The following ANTXR2 variants were observed in gnomAD, a reference collection of about 807,000 sequenced individuals.
ANTXR2 encodes the protein ANTXR cell adhesion molecule 2.
A neutral mutation model predicts 73.7 loss-of-function variants in ANTXR2; 44 were observed. That is an observed-to-expected ratio of 0.60 (90% confidence interval 0.47 to 0.77). ANTXR2 has a LOEUF of 0.77. ANTXR2 is among the 30% of genes least tolerant of loss of function. The probability of loss-of-function intolerance (pLI) is 0.00; values close to 1 mark genes in which losing one functional copy is unlikely to be tolerated. For missense variants in ANTXR2, 604 were observed against 592.5 expected (o/e 1.02, Z -0.20); for synonymous variants, 217 against 205.9 (o/e 1.05, Z -0.46).
chr4:79,956,291 C>A (rs1407731636), intron 16 of ANTXR2, among the ~76,000 whole-genome samples: 1 of 151,978 alleles, frequency 6.6e-6, no homozygotes, highest in African/African-American at 2.4e-5. Context: ...GTTGATAACC[C>A]AGGCACCAGA....
chr4:80,046,224 T>C (rs574570487), intron 7 of ANTXR2, among the ~76,000 whole-genome samples: 2 of 151,934 alleles, frequency 1.3e-5, no homozygotes, highest in East Asian at 3.9e-4. Flanking sequence ...TTTAAAACTT[T>C]AGTTTCTTCC....
At chr4:80,055,040 C>A in intron 6 of ANTXR2, 110 bp downstream of exon 6, 2 of 987,746 alleles carry the variant, frequency 2.0e-6, no homozygotes, top group Non-Finnish European at 3.0e-6. Flanking sequence ...TATAAAAAAT[C>A]TTTAACAATC....
At chr4:80,029,400 T>A (rs1436527652) in intron 10 of ANTXR2, among the ~76,000 whole-genome samples, 1 of 152,036 alleles carries the variant, frequency 6.6e-6, no homozygotes, top group Non-Finnish European at 1.5e-5. Flanking sequence ...TTTTCCTCTA[T>A]CCTGGTACAA....
At chr4:79,950,030 A>C (rs1728646866) in intron 16 of ANTXR2, among the ~76,000 whole-genome samples, 1 of 152,054 alleles carries the variant, frequency 6.6e-6, no homozygotes, top group Admixed American at 6.6e-5. Flanking sequence ...GAATAATAAA[A>C]TCTATAAAAC....
chr4:79,931,449 TTCTCTCTCTCTCTCTC>T (rs142694925), intron 16 of ANTXR2, among the ~76,000 whole-genome samples: 4 of 134,088 alleles, frequency 3.0e-5, no homozygotes, highest in Admixed American at 7.1e-5. Flanking sequence ...TCCTCGCTTC[TTCTCTCTCTCTCTCTC>T]TCTCTCTCTC....
At chr4:79,909,652 A>T (rs1381762284) in intron 16 of ANTXR2, among the ~76,000 whole-genome samples, 2 of 151,990 alleles carry the variant, frequency 1.3e-5, no homozygotes, top group East Asian at 1.9e-4. Flanking sequence ...CACCAAAAAA[A>T]AAAAAATAAA....
At chr4:79,955,611 A>G (rs1196074981) in intron 16 of ANTXR2, among the ~76,000 whole-genome samples, 1 of 152,118 alleles carries the variant, frequency 6.6e-6, no homozygotes, top group African/African-American at 2.4e-5. Flanking sequence ...CATAGGAAAA[A>G]TATCATATTC....
intron 7 of ANTXR2, among the ~76,000 whole-genome samples, chr4:80,051,683 A>T (rs934639239): frequency 6.6e-6 from 1 of 151,748 alleles, no homozygotes; most frequent in Non-Finnish European, 1.5e-5. Context: ...TACATTTTAG[A>T]GAAGGCATTA....
intron 12 of ANTXR2, among the ~76,000 whole-genome samples, chr4:80,005,002 CATT>C (rs908774546): frequency 1.3e-5 from 2 of 152,092 alleles, no homozygotes; most frequent in African/African-American, 4.8e-5. Flanking sequence ...ATCACTGACT[CATT>C]GATTAGAGGT....
At chr4:79,963,590 C>T (rs1181978866) in intron 16 of ANTXR2, among the ~76,000 whole-genome samples, 12 of 152,294 alleles carry the variant, frequency 7.9e-5, no homozygotes, top group African/African-American at 2.6e-4. Flanking sequence ...GGCCATTGCT[C>T]CCTGGCTACT....
intron 12 of ANTXR2, among the ~76,000 whole-genome samples, chr4:80,008,164 A>T (rs1372092613): frequency 2.6e-5 from 4 of 152,162 alleles, no homozygotes; most frequent in African/African-American, 9.7e-5. Context: ...ATGAGCACTT[A>T]AAAAAACTGA....
intron 16 of ANTXR2, among the ~76,000 whole-genome samples, chr4:79,946,211 A>C (rs2109976316): frequency 6.6e-6 from 1 of 152,276 alleles, no homozygotes; most frequent in South Asian, 2.1e-4. Flanking sequence ...GGTTAGTAAA[A>C]AGTACAACCA....
intron 9 of ANTXR2, 87 bp downstream of exon 9, chr4:80,033,381 CAGTT>C (rs934315760): frequency 5.2e-5 from 44 of 847,774 alleles, no homozygotes; most frequent in Middle Eastern, 2.2e-4. Flanking sequence ...AAAAATATGT[CAGTT>C]AGTTTTCGTT....
chr4:80,072,720 G>A lies in ANTXR2; in HGVS notation c.-160C>T. ...GCAGCGGGACCCACCAGCTGACAGGGAGGGAGAGAGGGAGGTCCTGAGAGG... is the reference window on the plus strand; with the variant it reads ...GCAGCGGGACCCACCAGCTGACAGGAAGGGAGAGAGGGAGGTCCTGAGAGG... On this transcript the variant is annotated 5_prime_UTR_variant, in exon 1 of 17. Coordinates refer to ENST00000403729, the MANE Select transcript of ANTXR2 (RefSeq NM_058172.6). The A allele has an allele frequency of 7.4e-7, 1 of 1,347,832 alleles. No individual in the cohort carries two copies. Among genetic ancestry groups the A allele is most frequent in the Non-Finnish European group, 9.5e-7 (1 of 1,055,212 alleles). 83.5% of individuals were successfully genotyped at this position (1,347,832 alleles called of 1,614,324 possible).
chr4:79,907,364 T>C lies in ANTXR2; in HGVS notation c.*65A>G. The stretch of plus-strand genomic sequence containing the variant: ...TGAAATGCACTTGATTTTTTTCATT[T>C]GGTTGAAAATCAGCTATGTGAAAAT... On this transcript the variant is annotated 3_prime_UTR_variant, in exon 17 of 17. Transcript: ENST00000403729. 5.2e-6 allele frequency: 8 copies of C among 1,528,374 alleles called. No individual in the cohort carries two copies. The highest frequency in any genetic ancestry group is 7.2e-6 in the Non-Finnish European group (8 of 1,109,168). 94.7% of individuals were successfully genotyped at this position (1,528,374 alleles called of 1,614,324 possible).
At chr4:80,014,815 T>A (rs753772821) in intron 11 of ANTXR2, among the ~76,000 whole-genome samples, 7 of 152,122 alleles carry the variant, frequency 4.6e-5, no homozygotes, top group South Asian at 4.1e-4. Flanking sequence ...GTTTTAGCAC[T>A]ACCTCCTATT....
chr4:80,040,587 C>G (rs1302032906), intron 7 of ANTXR2, among the ~76,000 whole-genome samples: 1 of 151,986 alleles, frequency 6.6e-6, no homozygotes, highest in Admixed American at 6.6e-5. Context: ...TAAATATAGC[C>G]TTAGCTGATA....
intron 16 of ANTXR2, among the ~76,000 whole-genome samples, chr4:79,947,116 T>C (rs1346941975): frequency 6.6e-6 from 1 of 152,168 alleles, no homozygotes; most frequent in African/African-American, 2.4e-5. Flanking sequence ...TTTAAGGGCA[T>C]TAAGATAAGC....
intron 12 of ANTXR2, among the ~76,000 whole-genome samples, chr4:79,995,375 G>GA (rs1246355308): frequency 6.6e-6 from 1 of 151,638 alleles, no homozygotes; most frequent in South Asian, 2.1e-4. Flanking sequence ...AAATATTGAG[G>GA]AAAAAATATA....
Sources: gnomAD v4.1 joint callset for allele counts (sites outside exome capture counted in the v4.1 genomes callset) on GRCh38, gnomAD v4.1.1 for gene constraint, MANE v1.5 for transcripts, NCBI Gene and HGNC (gene_info 2026-07-23, HGNC 2026-07-21) for gene names.